Variants in ITGAL observed in about 807,000 individuals in gnomAD.
The protein encoded by ITGAL is integrin alpha-L.
ITGAL carries 68 observed loss-of-function variants against 138.4 expected under a neutral mutation model. The observed-to-expected ratio is 0.49, with a 90% CI of 0.40 to 0.60. The LOEUF is 0.60. ITGAL is among the 20% of genes least tolerant of loss of function. ITGAL has a pLI of 0.00. For synonymous variants in ITGAL, 561 were observed against 584.3 expected, an observed-to-expected ratio of 0.96 and a Z score of 0.57; for missense variants, 1,256 against 1,478.6, an observed-to-expected ratio of 0.85 and a Z score of 2.47.
chr16:30,475,444 A>C, intron 3 of ITGAL, 44 bp downstream of exon 3: 1 of 1,600,080 alleles, frequency 6.2e-7, no homozygotes, highest in Non-Finnish European at 8.6e-7. Flanking sequence ...GATCTTGGGG[A>C]AACTGAGGCT....
At position 30,474,860 on chromosome 16, in the gene ITGAL, CTTTTTTTTTTTTTT is replaced by C. The variant is rs1251062026; in HGVS notation, c.165-445_165-432del. 1.5e-3 allele frequency among the ~76,000 whole-genome samples: 176 copies of C among 114,422 alleles called. 1 individual carries two copies. Among genetic ancestry groups the C allele is most frequent in the Non-Finnish European group, 2.5e-3 (148 of 58,218 alleles). The allele number at this position is 114,422 out of a possible 152,430, so 75.1% of individuals were successfully genotyped here. On this transcript the variant is annotated intron_variant, in intron 2 of 30. Coordinates refer to ENST00000356798, the MANE Select transcript of ITGAL (RefSeq NM_002209.3). Reference sequence around the variant, plus strand: ...GGAGGCATCTTCTTTTTTTTTTTTTCTTTTTTTTTTTTTTGAGAGGGAGTTTTCGCTCTTGTCGC... The same window carrying C: ...GGAGGCATCTTCTTTTTTTTTTTTTCGAGAGGGAGTTTTCGCTCTTGTCGC...
Position 30,519,898 on chromosome 16 carries a change from C to G in ITGAL, c.3270C>G (p.Leu1090=). 1.2e-6 allele frequency: 2 copies of G among 1,614,040 alleles called. No homozygotes were observed. Among genetic ancestry groups the G allele is most frequent in the Non-Finnish European group, 1.7e-6 (2 of 1,179,978 alleles). Residue 1090 remains leucine, a synonymous_variant, in exon 30 of 31, where the codon CTC becomes CTG. Coordinates refer to ENST00000356798, the MANE Select transcript of ITGAL (RefSeq NM_002209.3). ...KVDVVYEKQM[L]YLYVLSGIGG... The stretch of plus-strand genomic sequence containing the variant: ...ACGTGGTGTATGAGAAGCAGATGCT[C>G]TACCTCTACGTGCTGAGCGGCATCG...
chr16:30,503,161 A>G (rs1401494939), intron 17 of ITGAL, among the ~76,000 whole-genome samples: 1 of 152,106 alleles, frequency 6.6e-6, no homozygotes, highest in Non-Finnish European at 1.5e-5. Context: ...CAAAACTAGA[A>G]AAAAAATAGT....
At chr16:30,474,128 G>C in intron 1 of ITGAL, 68 bp from the exon 2 acceptor site, 1 of 1,223,430 alleles carries the variant, frequency 8.2e-7, no homozygotes, top group South Asian at 1.3e-5. Flanking sequence ...CCTGGGATCG[G>C]CCACCTGCTG....
Position 30,508,209 on chromosome 16 carries a change from ATTTTTTTTTTTT to A in ITGAL, c.2508+1363_2508+1374del, listed in dbSNP as rs71149036. ...AGGCGTGGGCCACCACGCCCGGCCT[ATTTTTTTTTTTT>A]TTTTTTTTTGAGACGAAGTCTTGCT... On this transcript the variant is annotated intron_variant, in intron 21 of 30. Transcript: ENST00000356798. Among the ~76,000 whole-genome samples the A allele has an allele frequency of 5.0e-3, 478 of 95,096 alleles. 6 individuals are homozygous for A. The highest frequency in any genetic ancestry group is 0.012 in the South Asian group (30 of 2,434). 62.4% of individuals were successfully genotyped at this position (95,096 alleles called of 152,430 possible).
chr16:30,517,575 A>C (rs2051186527), intron 26 of ITGAL, 74 bp from the exon 27 acceptor site: 3 of 1,263,040 alleles, frequency 2.4e-6, no homozygotes, highest in East Asian at 4.6e-5. Flanking sequence ...GGGCCAGGGC[A>C]GGGGAAAGCT....
chr16:30,516,907 C>G, intron 25 of ITGAL, 66 bp from the exon 26 acceptor site: 1 of 1,126,068 alleles, frequency 8.9e-7, no homozygotes, highest in East Asian at 2.4e-5. Context: ...CAAGGGCACA[C>G]AGGGTCTGGG....
At chr16:30,504,348 A>G in intron 18 of ITGAL, 84 bp downstream of exon 18, 1 of 1,034,372 alleles carries the variant, frequency 9.7e-7, no homozygotes, top group Non-Finnish European at 1.5e-6. Context: ...CGGGCAGCAC[A>G]CTCCTATAAT....
At chr16:30,493,742 T>G (rs895399786) in intron 11 of ITGAL, among the ~76,000 whole-genome samples, 1 of 152,048 alleles carries the variant, frequency 6.6e-6, no homozygotes, top group African/African-American at 2.4e-5. Context: ...ATACAAAAAA[T>G]TATCTGGGTG....
intron 20 of ITGAL, among the ~76,000 whole-genome samples, chr16:30,506,190 G>A (rs1368235140): frequency 2.6e-5 from 4 of 150,994 alleles, no homozygotes; most frequent in Non-Finnish European, 5.9e-5. Flanking sequence ...AATTCTGGAG[G>A]TGGAGGTTGC....
chr16:30,489,463 T>G, intron 11 of ITGAL, 77 bp downstream of exon 11: 1 of 1,474,130 alleles, frequency 6.8e-7, no homozygotes, highest in Non-Finnish European at 9.4e-7. Context: ...TCCAAAACAA[T>G]AATGAAAGCA....
intron 17 of ITGAL, 45 bp from the exon 18 acceptor site, chr16:30,504,130 T>C: frequency 6.9e-7 from 1 of 1,447,226 alleles, no homozygotes; most frequent in South Asian, 1.1e-5. Context: ...GGAAGTGCGG[T>C]AAAAGTTAGA....
At chr16:30,502,018 A>G (rs1201986402) in intron 17 of ITGAL, among the ~76,000 whole-genome samples, 1 of 145,902 alleles carries the variant, frequency 6.9e-6, no homozygotes, top group Admixed American at 6.8e-5. Context: ...GGGCAACAGA[A>G]TGAGACTCTG....
At chr16:30,505,769 A>G (rs4889498) in intron 20 of ITGAL, among the ~76,000 whole-genome samples, 136,222 of 152,232 alleles carry the variant, frequency 0.89, 61,444 homozygotes, top group South Asian at 0.95. Flanking sequence ...CTGTATTCCC[A>G]GCTACTTGGG....
intron 15 of ITGAL, among the ~76,000 whole-genome samples, chr16:30,497,468 A>G (rs2050818809): frequency 6.6e-6 from 1 of 150,592 alleles, no homozygotes; most frequent in Non-Finnish European, 1.5e-5. Flanking sequence ...ACAGTGGGAC[A>G]CCATCTGTAC....
At chr16:30,510,842 T>C in intron 22 of ITGAL, 39 bp from the exon 23 acceptor site, 1 of 1,550,474 alleles carries the variant, frequency 6.4e-7, no homozygotes, top group Non-Finnish European at 8.9e-7. Flanking sequence ...CTGCTCCTCA[T>C]GACCCTTCCA....
At chr16:30,518,930 A>C (rs1333555755) in intron 29 of ITGAL, among the ~76,000 whole-genome samples, 2 of 152,086 alleles carry the variant, frequency 1.3e-5, no homozygotes, top group Admixed American at 6.6e-5. Context: ...GTGTCGAGTA[A>C]AGTTCAATCG....
intron 15 of ITGAL, among the ~76,000 whole-genome samples, chr16:30,496,985 C>A (rs1395830899): frequency 1.3e-5 from 2 of 152,040 alleles, no homozygotes; most frequent in African/African-American, 4.8e-5. Flanking sequence ...CCAGGCCAGG[C>A]ACAGTGGCTC....
intron 9 of ITGAL, among the ~76,000 whole-genome samples, chr16:30,487,458 G>T (rs1194491822): frequency 6.6e-6 from 1 of 152,176 alleles, no homozygotes; most frequent in Admixed American, 6.6e-5. Flanking sequence ...TCACCAGGCT[G>T]GAGTGCAGTG....
Sources: gnomAD v4.1 joint callset for allele counts (sites outside exome capture counted in the v4.1 genomes callset) on GRCh38, gnomAD v4.1.1 for gene constraint, MANE v1.5 for transcripts, NCBI Gene and HGNC (gene_info 2026-07-23, HGNC 2026-07-21) for gene names.